Variants in PHF20 observed in about 807,000 individuals in gnomAD.
The protein encoded by PHF20 is PHD finger protein 20.
Under a neutral mutation model 113.5 loss-of-function variants are expected in PHF20, and 23 were observed. The ratio of observed to expected loss-of-function variants is 0.20; its 90% CI spans 0.15 to 0.29. The LOEUF (loss-of-function observed/expected upper bound fraction) is 0.29. Ranked by LOEUF, PHF20 falls within the 10% of genes least tolerant of loss-of-function variation. The pLI, the probability that PHF20 is intolerant of heterozygous loss-of-function variation, is 1.00. For missense variants in PHF20, 943 were observed against 1,219.6 expected (o/e 0.77, Z 3.38); for synonymous variants, 434 against 457.3 (o/e 0.95, Z 0.65).
At chr20:35,926,870 C>A (rs1600948177) in intron 13 of PHF20, among the ~76,000 whole-genome samples, 2 of 152,270 alleles carry the variant, frequency 1.3e-5, no homozygotes, top group South Asian at 4.1e-4. Context: ...TGTCCACCTT[C>A]TAGGGCTAAT....
intron 1 of PHF20, among the ~76,000 whole-genome samples, chr20:35,793,201 G>C (rs17093095): frequency 0.048 from 7,275 of 152,136 alleles, 217 homozygotes; most frequent in African/African-American, 0.089. Flanking sequence ...TTCTTTGCCT[G>C]TAGTAGTTGC....
chr20:35,788,964 T>G (rs1386107182), intron 1 of PHF20, among the ~76,000 whole-genome samples: 1 of 152,156 alleles, frequency 6.6e-6, no homozygotes. Context: ...TAATTGCCTC[T>G]TGGGAGAGAT....
intron 14 of PHF20, among the ~76,000 whole-genome samples, chr20:35,929,273 G>A (rs1271845851): frequency 1.3e-5 from 2 of 152,252 alleles, no homozygotes; most frequent in Admixed American, 1.3e-4. Context: ...TCTAGGGAGG[G>A]ACTGGCCACC....
At chr20:35,874,688 C>T (rs2054486012) in intron 9 of PHF20, among the ~76,000 whole-genome samples, 1 of 151,862 alleles carries the variant, frequency 6.6e-6, no homozygotes, top group South Asian at 2.1e-4. Flanking sequence ...AAAAAACAAA[C>T]AAATAAGACT....
At chr20:35,885,001 T>TG (rs1191029681) in intron 9 of PHF20, among the ~76,000 whole-genome samples, 1 of 152,098 alleles carries the variant, frequency 6.6e-6, no homozygotes, top group African/African-American at 2.4e-5. Flanking sequence ...TGGCTAATTT[T>TG]TTTTGTACTT....
At chr20:35,796,155 ATT>A (rs74398354) in intron 1 of PHF20, among the ~76,000 whole-genome samples, 1 of 148,904 alleles carries the variant, frequency 6.7e-6, no homozygotes, top group African/African-American at 2.5e-5. Flanking sequence ...CAGACTATAC[ATT>A]TTTTTTTTAT....
intron 2 of PHF20, among the ~76,000 whole-genome samples, chr20:35,821,816 G>A (rs1428530161): frequency 3.3e-5 from 5 of 152,142 alleles, no homozygotes; most frequent in Admixed American, 6.6e-5. Context: ...AGTGATCAGC[G>A]TCTGTATAAT....
At position 35,923,602 on chromosome 20, in the gene PHF20, A is replaced by G. The variant is rs1216375476; in HGVS notation, c.2005-4178A>G. Among the ~76,000 whole-genome samples the G allele has an allele frequency of 3.3e-5, 5 of 152,240 alleles. 1 individual carries two copies. Among genetic ancestry groups the G allele is most frequent in the Non-Finnish European group, 2.9e-5 (2 of 68,008 alleles). On this transcript the variant is annotated intron_variant, in intron 13 of 17. Transcript: ENST00000374012. ...ATACCTTATCCCCACCTTATCCCCA[A>G]CTACCCATTCCGTAGAGTCAGCCCT... is the stretch of plus-strand genomic sequence containing the variant.
At chr20:35,880,994 A>C (rs1280470729) in intron 9 of PHF20, among the ~76,000 whole-genome samples, 2 of 150,340 alleles carry the variant, frequency 1.3e-5, no homozygotes, top group African/African-American at 4.9e-5. Flanking sequence ...TTTTTTAGAA[A>C]GTACTTTTTC....
chr20:35,911,967 A>C (rs1376826364), intron 10 of PHF20, among the ~76,000 whole-genome samples: 4 of 147,316 alleles, frequency 2.7e-5, no homozygotes, highest in African/African-American at 7.5e-5. Flanking sequence ...CTACGACTGA[A>C]TTTTTCTTTC....
At chr20:35,803,605 G>A (rs1247586184) in intron 2 of PHF20, among the ~76,000 whole-genome samples, 2 of 151,702 alleles carry the variant, frequency 1.3e-5, no homozygotes, top group South Asian at 2.1e-4. Context: ...GATTACAGGC[G>A]TGAGCCACCA....
intron 15 of PHF20, among the ~76,000 whole-genome samples, chr20:35,936,610 G>A (rs937034423): frequency 6.6e-6 from 1 of 152,148 alleles, no homozygotes; most frequent in Non-Finnish European, 1.5e-5. Flanking sequence ...TTGGAATGGT[G>A]CGAATAAATT....
intron 9 of PHF20, chr20:35,887,828 G>C (rs867877562): frequency 1.5e-5 from 2 of 134,578 alleles, no homozygotes; most frequent in African/African-American, 2.8e-5. Flanking sequence ...AAAAAAAAAA[G>C]AAGAAGTTAC....
intron 9 of PHF20, among the ~76,000 whole-genome samples, chr20:35,884,133 T>C (rs1281080792): frequency 6.6e-6 from 1 of 152,132 alleles, no homozygotes; most frequent in Admixed American, 6.6e-5. Context: ...GGGAGGTTGT[T>C]GAGAACTCAT....
Position 35,871,795 on chromosome 20 carries a change from C to T in PHF20, c.1248C>T (p.Pro416=), listed in dbSNP as rs928222260. 4.3e-6 allele frequency: 7 copies of T among 1,611,942 alleles called. No individual in the cohort carries two copies. Among genetic ancestry groups the T allele is most frequent in the East Asian group, 2.2e-5 (1 of 44,860 alleles). ...CGATGAAAACAGAACCGACTTCTCC[C>T]CTTGTGGAATTACAAGAGATTTCGA... is the stretch of plus-strand genomic sequence containing the variant. ...ENTMKTEPTS[P]LVELQEISTV... Residue 416 remains proline (P), a synonymous_variant, in exon 9 of 18, where the codon CCC becomes CCT. Transcript: ENST00000374012.
chr20:35,852,753 C>A (rs917321442), intron 4 of PHF20, among the ~76,000 whole-genome samples: 4 of 151,850 alleles, frequency 2.6e-5, no homozygotes, highest in African/African-American at 9.7e-5. Flanking sequence ...TGTGTGCCAC[C>A]ACGCCTGGCT....
At chr20:35,810,373 C>T (rs1165833966) in intron 2 of PHF20, among the ~76,000 whole-genome samples, 1 of 152,124 alleles carries the variant, frequency 6.6e-6, no homozygotes, top group East Asian at 1.9e-4. Context: ...TTTACTCTTC[C>T]CTGATTGGTT....
chr20:35,828,826 T>A (rs2042307887), intron 2 of PHF20, among the ~76,000 whole-genome samples: 1 of 152,230 alleles, frequency 6.6e-6, no homozygotes, highest in Non-Finnish European at 1.5e-5. Context: ...AAACTATTGA[T>A]AGACTCCATT....
chr20:35,895,547 A>G (rs529065011), intron 9 of PHF20, among the ~76,000 whole-genome samples: 4 of 152,174 alleles, frequency 2.6e-5, no homozygotes, highest in African/African-American at 9.6e-5. Flanking sequence ...AAAATAAACT[A>G]TTTTTTGTTT....
Sources: gnomAD v4.1 joint callset for allele counts (sites outside exome capture counted in the v4.1 genomes callset) on GRCh38, gnomAD v4.1.1 for gene constraint, MANE v1.5 for transcripts, NCBI Gene and HGNC (gene_info 2026-07-23, HGNC 2026-07-21) for gene names.